Variants in HNF1A observed in about 807,000 individuals in gnomAD.
The protein encoded by HNF1A is HNF1 homeobox A.
HNF1A carries 21 observed loss-of-function variants against 62.2 expected under a neutral mutation model. The observed-to-expected ratio is 0.34, with a 90% confidence interval of 0.24 to 0.49. The LOEUF is 0.49. HNF1A is among the 20% of genes least tolerant of loss of function. HNF1A has a pLI of 0.99. For missense variants in HNF1A, 687 were observed against 832.3 expected (o/e 0.83, Z 2.15); for synonymous variants, 374 against 366.8 (o/e 1.02, Z -0.22).
At chr12:120,998,998 T>G (rs1053975669) in intron 7 of HNF1A, among the ~76,000 whole-genome samples, 1 of 152,356 alleles carries the variant, frequency 6.6e-6, no homozygotes, top group Admixed American at 6.5e-5. Context: ...TCATACCTGC[T>G]GTCTCCAGGT....
intron 2 of HNF1A, among the ~76,000 whole-genome samples, chr12:120,989,961 G>A (rs1187984287): frequency 6.6e-6 from 1 of 152,028 alleles, no homozygotes; most frequent in Non-Finnish European, 1.5e-5. Context: ...CTACGGTCAG[G>A]AAATCCTCCA....
In HNF1A at chr12:120,987,983, CT is replaced by C. The variant is rs747633279; in HGVS notation, c.327-848del. 3.9e-5 allele frequency among the ~76,000 whole-genome samples: 6 copies of C among 152,182 alleles called. No individual in the cohort carries two copies. The East Asian group carries it at 1.2e-3, about 29-fold the overall frequency. On this transcript the variant is annotated intron_variant, in intron 1 of 9. Transcript: ENST00000257555. ...TGCTTTCCTTTTTCCAGCAGGTCTC[CT>C]TCGTCCATCCATCCATCATCCATCT...
In HNF1A at chr12:120,990,210, C is replaced by T. The variant is rs773937514; in HGVS notation, c.526+1178C>T. Among the ~76,000 whole-genome samples, 1,068 of 151,742 alleles carry T rather than the reference C, an allele frequency of 7.0e-3. 8 individuals carry two copies. The highest frequency in any genetic ancestry group is 0.012 in the Admixed American group (188 of 15,220). On this transcript the variant is annotated intron_variant, in intron 2 of 9. Transcript: ENST00000257555. ...AGGCTGGAGTGCAGTGGCGTGATCT[C>T]GGCTCACTGCAAGCTCCGCCTTCCG... is the stretch of plus-strand genomic sequence containing the variant.
rs2135845583 is a variant in HNF1A, at chr12:120,996,477, C to A, written c.1107+64C>A. On this transcript the variant is annotated intron_variant, in intron 5 of 9. Coordinates refer to ENST00000257555, the MANE Select transcript of HNF1A (RefSeq NM_000545.8). This position sits in a 1 kb window ranked among gnomAD's most constrained non-coding sequence, Gnocchi z 4.5. Reference sequence around the variant, plus strand: ...TTTCCTTGGCAGGGAGATTCTGGAGCAGTCCCTAGGGAGGCCCTGTGGGGA... The same window carrying A: ...TTTCCTTGGCAGGGAGATTCTGGAGAAGTCCCTAGGGAGGCCCTGTGGGGA... 2 of 1,613,282 alleles carry A rather than the reference C, an allele frequency of 1.2e-6. No individual in the cohort carries two copies. The highest frequency in any genetic ancestry group is 1.7e-6 in the Non-Finnish European group (2 of 1,179,684).
chr12:121,000,431 C>T (rs946603048), intron 9 of HNF1A: 1 of 162,988 alleles, frequency 6.1e-6, no homozygotes, highest in Non-Finnish European at 1.3e-5. Context: ...GGCCAGGACT[C>T]GAACCCAGGT....
At position 120,999,529 on chromosome 12, in the gene HNF1A, C is replaced by T. The variant is rs1418069323; in HGVS notation, c.1670C>T (p.Thr557Met). ...TEASSESGLH[T>M]PASQATTLHV... Reference sequence around the variant, plus strand: ...GCCTCCAGTGAGTCCGGGCTTCACACGCCGGCATCTCAGGCCACCACCCTC... The same window carrying T: ...GCCTCCAGTGAGTCCGGGCTTCACATGCCGGCATCTCAGGCCACCACCCTC... The change falls in exon 9 of 10, where the codon ACG becomes ATG. Residue 557 changes from threonine to methionine, a missense_variant. Physicochemically the swap from Thr to Met is moderately conservative, Grantham distance 81. This residue lies in a region of HNF1A where 408 missense variants were observed against 455.3 expected (regional missense o/e 0.90). Transcript: ENST00000257555. 4.3e-6 allele frequency: 7 copies of T among 1,613,334 alleles called. No homozygotes were observed. The highest frequency in any genetic ancestry group is 4.2e-6 in the Non-Finnish European group (5 of 1,179,906).
chr12:120,982,767 G>A (rs1340961150), intron 1 of HNF1A, among the ~76,000 whole-genome samples: 3 of 152,172 alleles, frequency 2.0e-5, no homozygotes, highest in Admixed American at 2.0e-4. Context: ...CTGAAGGCAA[G>A]CCAGGACTTG....
chr12:121,000,712 T>A (rs1380316729), intron 9 of HNF1A: 6 of 356,170 alleles, frequency 1.7e-5, no homozygotes, highest in Non-Finnish European at 3.3e-5. Context: ...AGCCAACTGA[T>A]TGTGGCATTA....
rs2135851579 is a variant in HNF1A at position 120,999,591 on chromosome 12, C to A, written c.1732C>A (p.Leu578Met). The A allele has an allele frequency of 1.9e-6, 3 of 1,611,948 alleles. No individual in the cohort carries two copies. The highest frequency in any genetic ancestry group is 2.5e-6 in the Non-Finnish European group (3 of 1,179,524). The change falls in exon 9 of 10, where the codon CTG (leucine) becomes ATG (methionine). Residue 578 changes from leucine to methionine, a missense_variant. By Grantham distance (15) the Leu-to-Met change is conservative. Transcript: ENST00000257555. ...PSQDPASIQH[L>M]QPAHRLSASP... is the part of the protein sequence containing the mutation. The stretch of plus-strand genomic sequence containing the variant: ...CCAGGACCCTGCCAGCATCCAGCAC[C>A]TGCAGCCGGCCCACCGGCTCAGCGC...
intron 1 of HNF1A, among the ~76,000 whole-genome samples, chr12:120,982,388 T>G (rs531235552): frequency 6.6e-6 from 1 of 151,886 alleles, no homozygotes; most frequent in Non-Finnish European, 1.5e-5. Context: ...ACCCCAATCT[T>G]GAAGTATTCT....
rs1449191058 is a variant in HNF1A at position 121,001,579 on chromosome 12, C to T, written c.*387C>T. On this transcript the variant is annotated 3_prime_UTR_variant, in exon 10 of 10. Coordinates refer to ENST00000257555, the MANE Select transcript of HNF1A (RefSeq NM_000545.8). ...CTACACCACTCTGGCAGCCACACTT[C>T]TCAGGACACAGGCCTGTGTAGCTGT... 8 of 441,172 alleles carry T rather than the reference C, an allele frequency of 1.8e-5. No individual in the cohort carries two copies. Among genetic ancestry groups the T allele is most frequent in the Non-Finnish European group, 2.2e-5 (5 of 232,318 alleles). 27.3% of individuals were successfully genotyped at this position (441,172 alleles called of 1,614,324 possible). A position where few individuals can be genotyped will look rare whatever the true frequency, so the allele number is the denominator to read the frequency against.
At position 120,997,572 on chromosome 12, in the gene HNF1A, CCCT is replaced by C. The variant is rs1346164840; in HGVS notation, c.1412_1414del (p.Ser471del). On this transcript the variant is annotated inframe_deletion, in exon 7 of 10. Coordinates refer to ENST00000257555, the MANE Select transcript of HNF1A (RefSeq NM_000545.8). ...CGTCCAGTTCTCCCAGCCGCTGCAC[CCCT>C]CCTACCAGCAGCCGCTCATGCCACC... 2.5e-6 allele frequency: 4 copies of C among 1,613,716 alleles called. No individual in the cohort carries two copies. The highest frequency in any genetic ancestry group is 1.3e-5 in the African/African-American group (1 of 74,946).
intron 1 of HNF1A, among the ~76,000 whole-genome samples, chr12:120,984,190 G>A (rs1469741367): frequency 2.6e-5 from 4 of 152,094 alleles, no homozygotes; most frequent in Admixed American, 6.5e-5. Flanking sequence ...TGGAACGTTC[G>A]TATCAGCTCA....
intron 4 of HNF1A, 143 bp downstream of exon 4, chr12:120,994,548 C>A (rs539902924): frequency 7.6e-6 from 7 of 925,646 alleles, no homozygotes; most frequent in Non-Finnish European, 1.1e-5. Flanking sequence ...CTCTACTTCA[C>A]TCTGTTCATT....
At chr12:120,989,761 C>T (rs575720039) in intron 2 of HNF1A, among the ~76,000 whole-genome samples, 2 of 152,286 alleles carry the variant, frequency 1.3e-5, no homozygotes, top group Non-Finnish European at 2.9e-5. Context: ...AGCTGACTGT[C>T]GACTGGGGAG....
At position 120,989,631 on chromosome 12, in the gene HNF1A, T is replaced by A. The variant is rs551743976; in HGVS notation, c.526+599T>A. Among the ~76,000 whole-genome samples the A allele has an allele frequency of 2.0e-5, 3 of 151,974 alleles. No homozygotes were observed. In the South Asian group the frequency reaches 6.2e-4, roughly 32 times the overall value. ...GAAAAGCTCATTATGATCCAGCGAG[T>A]CATGTATTAGAATGGGACAACAGCA... On this transcript the variant is annotated intron_variant, in intron 2 of 9. Coordinates refer to ENST00000257555, the MANE Select transcript of HNF1A (RefSeq NM_000545.8).
chr12:120,997,442 G>A (rs554491459), intron 6 of HNF1A, 32 bp from the exon 7 acceptor site: 1 of 1,576,986 alleles, frequency 6.3e-7, no homozygotes, highest in Non-Finnish European at 8.6e-7. Context: ...ATAACTGGGG[G>A]GCCCAGCTGA....
At chr12:120,982,887 G>A (rs1876324090) in intron 1 of HNF1A, among the ~76,000 whole-genome samples, 1 of 152,148 alleles carries the variant, frequency 6.6e-6, no homozygotes, top group East Asian at 1.9e-4. Context: ...TCCATACAGT[G>A]CTTTGGAGTT....
rs139016696 is a variant in HNF1A, at chr12:120,988,847, G to A, written c.341G>A (p.Arg114His). ...CCCTCTCCCAGGGAGGACCCGTGGC[G>A]TGTGGCGAAGATGGTCAAGTCCTAC... ...VETLLQEDPW[R>H]VAKMVKSYLQ... The change falls in exon 2 of 10, where the codon CGT becomes CAT. Residue 114 changes from arginine (R) to histidine (H), a missense_variant. Physicochemically the swap from Arg to His is conservative, Grantham distance 29 (BLOSUM62 0). Coordinates refer to ENST00000257555, the MANE Select transcript of HNF1A (RefSeq NM_000545.8). The A allele has an allele frequency of 4.8e-5, 78 of 1,614,100 alleles. No homozygotes were observed. The highest frequency in any genetic ancestry group is 8.0e-5 in the African/African-American group (6 of 74,930).
Sources: allele counts gnomAD v4.1 joint callset (sites outside exome capture counted in the v4.1 genomes callset), GRCh38; gene constraint gnomAD v4.1.1; regional missense constraint gnomAD v4.1.1; non-coding constraint Gnocchi (gnomAD v3.1); transcripts MANE v1.5; gene names NCBI Gene and HGNC (gene_info 2026-07-23, HGNC 2026-07-21).